Variants in DLAT observed in about 807,000 individuals in gnomAD.
DLAT encodes the protein dihydrolipoamide S-acetyltransferase.
Under a neutral mutation model 68.0 loss-of-function variants are expected in DLAT, and 43 were observed. The observed-to-expected ratio is 0.63, with a 90% CI of 0.50 to 0.81. The LOEUF is 0.81. DLAT is among the 40% of genes least tolerant of loss of function. The pLI is 0.00. For missense variants in DLAT, 745 were observed against 815.4 expected, an observed-to-expected ratio of 0.91 and a Z score of 1.05; for synonymous variants, 265 against 288.6, an observed-to-expected ratio of 0.92 and a Z score of 0.83.
At chr11:112,036,963 CT>C in intron 5 of DLAT, 1 of 344,486 alleles carries the variant, frequency 2.9e-6, no homozygotes, top group Non-Finnish European at 5.3e-6. Flanking sequence ...TGTCTGTAAT[CT>C]TTCATAGTTT....
At chr11:112,061,292 G>C (rs1555183263) in intron 13 of DLAT, 118 bp downstream of exon 13, 1 of 1,027,750 alleles carries the variant, frequency 9.7e-7, no homozygotes. Context: ...GATCCACAAT[G>C]CTCAAGTCCC....
At chr11:112,037,625 C>T (rs1474041923) in intron 6 of DLAT, among the ~76,000 whole-genome samples, 165 bp downstream of exon 6, 1 of 152,184 alleles carries the variant, frequency 6.6e-6, no homozygotes, top group Non-Finnish European at 1.5e-5. Context: ...TGTTGTACTG[C>T]ACTGTTCACC....
At chr11:112,037,493 A>G (rs1484378944) in intron 6 of DLAT, 33 bp downstream of exon 6, 11 of 1,603,586 alleles carry the variant, frequency 6.9e-6, no homozygotes, top group Non-Finnish European at 8.5e-7. Context: ...GGAAACACTT[A>G]CCTTGTTCAT....
chr11:112,057,965 AGTGTT>A (rs1437278533), intron 11 of DLAT, among the ~76,000 whole-genome samples: 2 of 152,210 alleles, frequency 1.3e-5, no homozygotes, highest in Non-Finnish European at 2.9e-5. Context: ...ACAACAGTGT[AGTGTT>A]AAGCATAACT....
At chr11:112,055,400 C>T (rs1007616868) in intron 11 of DLAT, among the ~76,000 whole-genome samples, 14 of 151,938 alleles carry the variant, frequency 9.2e-5, no homozygotes, top group Non-Finnish European at 2.1e-4. Flanking sequence ...TGCACCACCA[C>T]GCCCGGCTAA....
rs781880237 is a variant in DLAT, at chr11:112,045,974, A to G, written c.1398+4A>G. Reference sequence around the variant, plus strand: ...GGTACGGAAAGAACTTAATAAGGTAAAAGTTCTGAAAATTCCAACTTTCTA... The same window carrying G: ...GGTACGGAAAGAACTTAATAAGGTAGAAGTTCTGAAAATTCCAACTTTCTA... On this transcript the variant is annotated splice_donor_region_variant and intron_variant, in intron 10 of 13. Coordinates refer to ENST00000280346, the MANE Select transcript of DLAT (RefSeq NM_001931.5). The G allele has an allele frequency of 4.6e-6, 7 of 1,530,590 alleles. No homozygotes were observed. The South Asian group carries it at 5.6e-5, about 12-fold the overall frequency. The allele number at this position is 1,530,590 out of a possible 1,614,324, so 94.8% of individuals were successfully genotyped here.
chr11:112,036,206 T>TTTTG (rs1566617860), intron 5 of DLAT, among the ~76,000 whole-genome samples: 1 of 44,562 alleles, frequency 2.2e-5, no homozygotes, highest in Non-Finnish European at 4.8e-5. Flanking sequence ...TGTGTGTTTT[T>TTTTG]TTTTTTTTTT....
chr11:112,029,793 A>C (rs991527065), intron 4 of DLAT: 7 of 504,958 alleles, frequency 1.4e-5, no homozygotes, highest in Non-Finnish European at 2.7e-5. Context: ...TTACTCAAGA[A>C]CACCACCAAG....
At chr11:112,043,387 C>A in intron 7 of DLAT, 79 bp from the exon 8 acceptor site, 2 of 1,316,038 alleles carry the variant, frequency 1.5e-6, no homozygotes. Flanking sequence ...TAGGAGCTTG[C>A]AGTTTAGGAT....
chr11:112,037,341 C>G lies in DLAT; in HGVS notation c.856C>G (p.Leu286Val), dbSNP rs781839763. 1 of 1,614,092 alleles carries G rather than the reference C, an allele frequency of 6.2e-7. No individual in the cohort carries two copies. The highest frequency in any genetic ancestry group is 8.5e-7 in the Non-Finnish European group (1 of 1,179,966). Residue 286 changes from leucine (L) to valine (V), a missense_variant, in exon 6 of 14, where the codon CTA becomes GTA. By Grantham distance (32) the Leu-to-Val change is conservative. Coordinates refer to ENST00000280346, the MANE Select transcript of DLAT (RefSeq NM_001931.5). ...LVPEGTRDVP[L>V]GTPLCIIVEK... ...CCCTGAAGGCACAAGAGATGTCCCT[C>G]TAGGAACCCCACTCTGTATCATTGT...
intron 5 of DLAT, among the ~76,000 whole-genome samples, chr11:112,036,167 A>ATATGTGTGTGTGTGTG (rs1555180440): frequency 7.3e-5 from 6 of 82,540 alleles, no homozygotes; most frequent in African/African-American, 3.3e-4. Flanking sequence ...GTGTGTATAT[A>ATATGTGTGTGTGTGTG]TGTGTGTGTG....
chr11:112,026,306 T>A lies in DLAT; in HGVS notation c.381+7T>A, dbSNP rs1165421307. On this transcript the variant is annotated splice_region_variant and intron_variant, in intron 2 of 13. Coordinates refer to ENST00000280346, the MANE Select transcript of DLAT (RefSeq NM_001931.5). ...AGGTGACCTAATTGCAGAGGTAAGT[T>A]TTTTTTTTTTTTTTTAATTAATTTA... 11 of 1,176,856 alleles carry A rather than the reference T, an allele frequency of 9.3e-6. No individual in the cohort carries two copies. The highest frequency in any genetic ancestry group is 1.1e-5 in the Non-Finnish European group (10 of 887,304). The allele number at this position is 1,176,856 out of a possible 1,614,324, so 72.9% of individuals were successfully genotyped here.
rs587707094 is a variant in DLAT, at chr11:112,029,459, G to A, written c.660+514G>A. ...TGGAAGTTGGAAGGGAAAGGGGAAG[G>A]GTGGTGTGTCCCATGAGAGAGGGAA... On this transcript the variant is annotated intron_variant, in intron 4 of 13. Transcript: ENST00000280346. 1.1e-4 allele frequency among the ~76,000 whole-genome samples: 16 copies of A among 152,206 alleles called. No homozygotes were observed. In the South Asian group the frequency reaches 2.3e-3, roughly 22 times the overall value.
intron 4 of DLAT, among the ~76,000 whole-genome samples, chr11:112,032,204 T>G (rs963965379): frequency 2.0e-5 from 3 of 151,902 alleles, no homozygotes; most frequent in Admixed American, 6.6e-5. Context: ...CCTGTTTTAT[T>G]TTTTTGAATG....
intron 5 of DLAT, among the ~76,000 whole-genome samples, chr11:112,034,728 CA>C (rs1555180259): frequency 6.6e-6 from 1 of 151,824 alleles, no homozygotes; most frequent in Non-Finnish European, 1.5e-5. Flanking sequence ...AGGCGTGAGC[CA>C]TGGCGATTTG....
At chr11:112,056,599 GT>G (rs1334834253) in intron 11 of DLAT, among the ~76,000 whole-genome samples, 2 of 151,948 alleles carry the variant, frequency 1.3e-5, no homozygotes, top group African/African-American at 4.8e-5. Flanking sequence ...ATGTTTTCCA[GT>G]TTTTTGCTAT....
chr11:112,035,632 G>A (rs587636081), intron 5 of DLAT, among the ~76,000 whole-genome samples: 11 of 151,894 alleles, frequency 7.2e-5, no homozygotes, highest in African/African-American at 2.4e-4. Context: ...GGGACTACAG[G>A]TGCATGCCAC....
intron 11 of DLAT, among the ~76,000 whole-genome samples, chr11:112,053,492 G>A (rs1035794115): frequency 2.0e-5 from 3 of 151,398 alleles, no homozygotes; most frequent in South Asian, 2.1e-4. Flanking sequence ...TCTTTCTGTC[G>A]CCTAGGCTAG....
Position 112,033,470 on chromosome 11 carries a change from G to A in DLAT, c.727G>A (p.Gly243Ser). The A allele has an allele frequency of 1.2e-6, 2 of 1,613,916 alleles. No homozygotes were observed. Among genetic ancestry groups the A allele is most frequent in the South Asian group, 2.2e-5 (2 of 91,034 alleles). Residue 243 changes from glycine (G) to serine (S), a missense_variant, in exon 5 of 14, where the codon GGT becomes AGT. By Grantham distance (56) the Gly-to-Ser change is moderately conservative. Coordinates refer to ENST00000280346, the MANE Select transcript of DLAT (RefSeq NM_001931.5). ...GTVQRWEKKV[G>S]EKLSEGDLLA... ...AGTTCAGAGATGGGAAAAAAAAGTG[G>A]GTGAGAAGCTAAGTGAAGGAGACTT...
Sources: gnomAD v4.1 joint callset for allele counts (sites outside exome capture counted in the v4.1 genomes callset) on GRCh38, gnomAD v4.1.1 for gene constraint, MANE v1.5 for transcripts, NCBI Gene and HGNC (gene_info 2026-07-23, HGNC 2026-07-21) for gene names.